Variants in CSMD1 observed in about 807,000 individuals in gnomAD.
CSMD1 encodes CUB and Sushi multiple domains 1, also known as CUB and sushi domain-containing protein 1.
CSMD1 carries 213 observed loss-of-function variants against 417.5 expected under a neutral mutation model. That is an observed-to-expected ratio of 0.51 (90% confidence interval 0.46 to 0.57). The LOEUF (loss-of-function observed/expected upper bound fraction) is 0.57, where lower values mean the gene tolerates loss of function less well. CSMD1 is among the 20% of genes least tolerant of loss of function. The pLI is 0.00. For missense variants in CSMD1, 6,923 were observed against 4,529.7 expected, an observed-to-expected ratio of 1.53 and a Z score of -15.17; for synonymous variants, 2,862 against 1,736.8, an observed-to-expected ratio of 1.65 and a Z score of -16.11.
At chr8:3,637,295 G>A (rs4563909) in intron 7 of CSMD1, among the ~76,000 whole-genome samples, 71,367 of 151,532 alleles carry the variant, frequency 0.47, 16,881 homozygotes, top group Middle Eastern at 0.63. Flanking sequence ...TATGCTTGGG[G>A]GAGTTTCATA....
At chr8:3,416,693 T>G (rs6996823) in intron 12 of CSMD1, among the ~76,000 whole-genome samples, 16,540 of 152,200 alleles carry the variant, frequency 0.11, 990 homozygotes, top group African/African-American at 0.14. Flanking sequence ...CTAACACCAT[T>G]TCTCATGTTG....
intron 51 of CSMD1, among the ~76,000 whole-genome samples, chr8:3,025,834 GAT>G (rs1480592758): frequency 2.0e-5 from 3 of 152,180 alleles, no homozygotes; most frequent in African/African-American, 4.8e-5. Flanking sequence ...GCATGTAATT[GAT>G]ATGTTATTTT....
intron 37 of CSMD1, among the ~76,000 whole-genome samples, chr8:3,180,207 C>T (rs910103023): frequency 1.4e-4 from 21 of 152,168 alleles, no homozygotes; most frequent in African/African-American, 2.4e-4. Flanking sequence ...CATAATCAAA[C>T]GCCAAAAAAG....
At chr8:4,347,812 A>G (rs924399818) in intron 3 of CSMD1, among the ~76,000 whole-genome samples, 17 of 150,926 alleles carry the variant, frequency 1.1e-4, no homozygotes, top group African/African-American at 4.2e-4. Flanking sequence ...AATCACTTAA[A>G]CAGATATTAT....
chr8:4,539,753 T>C (rs1363702868), intron 2 of CSMD1, among the ~76,000 whole-genome samples: 1 of 152,236 alleles, frequency 6.6e-6, no homozygotes, highest in Non-Finnish European at 1.5e-5. Flanking sequence ...GTTTTATCTT[T>C]AGTCACTTAG....
At chr8:4,112,466 C>T (rs923354238) in intron 3 of CSMD1, among the ~76,000 whole-genome samples, 4 of 152,186 alleles carry the variant, frequency 2.6e-5, no homozygotes, top group Non-Finnish European at 5.9e-5. Context: ...TCCCCTGGTT[C>T]TTCCACCCTC....
intron 10 of CSMD1, among the ~76,000 whole-genome samples, chr8:3,505,717 T>C (rs73658137): frequency 0.02 from 3,026 of 152,208 alleles, 106 homozygotes; most frequent in African/African-American, 0.07. Flanking sequence ...GAGCACTGGA[T>C]AGAAGGGAAA....
intron 41 of CSMD1, among the ~76,000 whole-genome samples, chr8:3,135,711 C>T (rs978672012): frequency 2.0e-5 from 3 of 152,038 alleles, no homozygotes; most frequent in East Asian, 1.9e-4. Context: ...CTGCTGATCA[C>T]ATTTCTGACT....
Position 3,412,028 on chromosome 8 carries a change from A to G in CSMD1, c.1562-2423T>C, listed in dbSNP as rs373431877. 2.9e-3 allele frequency among the ~76,000 whole-genome samples: 242 copies of G among 83,850 alleles called. 66 individuals are homozygous for G. The highest frequency in any genetic ancestry group is 7.4e-3 in the South Asian group (17 of 2,294). The allele number at this position is 83,850 out of a possible 152,430, so 55.0% of individuals were successfully genotyped here. On this transcript the variant is annotated intron_variant, in intron 12 of 69. Coordinates refer to ENST00000635120, the MANE Select transcript of CSMD1 (RefSeq NM_033225.6). ...CGTATATATATACATATACACACGTATATATACACATATATACACGTATAT... is the reference window on the plus strand; with the variant it reads ...CGTATATATATACATATACACACGTGTATATACACATATATACACGTATAT...
intron 12 of CSMD1, among the ~76,000 whole-genome samples, chr8:3,423,904 C>T (rs369110406): frequency 7.9e-5 from 12 of 152,176 alleles, no homozygotes; most frequent in East Asian, 3.9e-4. Context: ...AAATTAATGG[C>T]GACCCTCAAA....
At chr8:3,662,512 G>A (rs186387170) in intron 7 of CSMD1, among the ~76,000 whole-genome samples, 11 of 152,308 alleles carry the variant, frequency 7.2e-5, no homozygotes, top group Admixed American at 4.6e-4. Flanking sequence ...GTGTGCATGT[G>A]TCTTTATAGT....
intron 46 of CSMD1, among the ~76,000 whole-genome samples, chr8:3,099,322 T>G (rs1815565586): frequency 1.3e-5 from 2 of 152,154 alleles, no homozygotes; most frequent in Non-Finnish European, 2.9e-5. Context: ...ATGGCAAAGT[T>G]AACCAACAAA....
At chr8:4,175,482 T>C (rs1463670898) in intron 3 of CSMD1, among the ~76,000 whole-genome samples, 2 of 152,188 alleles carry the variant, frequency 1.3e-5, no homozygotes, top group East Asian at 1.9e-4. Context: ...AAATTGTAAA[T>C]ATATTTTCTT....
rs1563319300 is a variant in CSMD1 at position 4,761,887 on chromosome 8, CTACCTACCTATCTATCTATCTATCAAT to C, written c.86-124356_86-124330del. Among the ~76,000 whole-genome samples, 388 of 69,238 alleles carry C rather than the reference CTACCTACCTATCTATCTATCTATCAAT, an allele frequency of 5.6e-3. 2 individuals are homozygous for C. Among genetic ancestry groups the C allele is most frequent in the East Asian group, 0.015 (23 of 1,576 alleles). The allele number at this position is 69,238 out of a possible 152,430, so 45.4% of individuals were successfully genotyped here. On this transcript the variant is annotated intron_variant, in intron 1 of 69. Transcript: ENST00000635120. ...TCTATCTATCTATCTATCTATCTAT[CTACCTACCTATCTATCTATCTATCAAT>C]CTATCTATCTATCTATCTATCTATC...
chr8:4,695,428 A>G (rs1400018395), intron 1 of CSMD1, among the ~76,000 whole-genome samples: 2 of 152,200 alleles, frequency 1.3e-5, no homozygotes, highest in African/African-American at 4.8e-5. Flanking sequence ...GTCGCGGATG[A>G]CCAGTGACAT....
intron 49 of CSMD1, among the ~76,000 whole-genome samples, chr8:3,076,607 C>A (rs1004361364): frequency 4.6e-5 from 7 of 152,154 alleles, no homozygotes; most frequent in Admixed American, 1.3e-4. Context: ...TAACTGCTCT[C>A]ACTATTTTTA....
At chr8:4,722,179 A>G (rs1584998441) in intron 1 of CSMD1, among the ~76,000 whole-genome samples, 1 of 152,166 alleles carries the variant, frequency 6.6e-6, no homozygotes, top group East Asian at 1.9e-4. Flanking sequence ...ACACACACAC[A>G]TGCTGACTAT....
At chr8:3,116,887 A>T (rs1455550189) in intron 42 of CSMD1, among the ~76,000 whole-genome samples, 1 of 152,136 alleles carries the variant, frequency 6.6e-6, no homozygotes, top group African/African-American at 2.4e-5. Flanking sequence ...AGTTTCTAGA[A>T]CGGAAAGTAG....
chr8:3,301,448 G>A (rs770168018), intron 25 of CSMD1, among the ~76,000 whole-genome samples: 1 of 152,154 alleles, frequency 6.6e-6, no homozygotes, highest in Non-Finnish European at 1.5e-5. Context: ...TATTAGTACA[G>A]AAGGAAGGTA....
Sources: allele counts gnomAD v4.1 joint callset (sites outside exome capture counted in the v4.1 genomes callset), GRCh38; gene constraint gnomAD v4.1.1; transcripts MANE v1.5; gene names NCBI Gene and HGNC (gene_info 2026-07-23, HGNC 2026-07-21).